The following RTN4RL2 variants were observed in gnomAD, a reference collection of about 807,000 sequenced individuals.
RTN4RL2 encodes reticulon-4 receptor-like 2.
Under a neutral mutation model 27.8 loss-of-function variants are expected in RTN4RL2, and 9 were observed. That is an observed-to-expected ratio of 0.32 (90% CI 0.20 to 0.57). The LOEUF is 0.57. Ranked by LOEUF, RTN4RL2 falls within the 20% of genes least tolerant of loss-of-function variation. RTN4RL2 has a pLI of 0.90. For missense variants in RTN4RL2, 436 were observed against 596.8 expected (o/e 0.73, Z 2.81); for synonymous variants, 285 against 297.9 (o/e 0.96, Z 0.45).
chr11:57,472,182 T>G (rs944830857), intron 2 of RTN4RL2, among the ~76,000 whole-genome samples: 1 of 150,614 alleles, frequency 6.6e-6, no homozygotes, highest in Non-Finnish European at 1.5e-5. Flanking sequence ...TTTCAGTCAT[T>G]ACAGTGGCCT....
rs1943530752 is a variant in RTN4RL2, at chr11:57,467,014, T to C, written c.32-595T>C. ...ATTAATCTCTAGACAAGGTCAAACATGCAATAGTGAAAACAGGAATGAAGA... is the reference window on the plus strand; with the variant it reads ...ATTAATCTCTAGACAAGGTCAAACACGCAATAGTGAAAACAGGAATGAAGA... On this transcript the variant is annotated intron_variant, in intron 1 of 2. Coordinates refer to ENST00000335099, the MANE Select transcript of RTN4RL2 (RefSeq NM_178570.3). The surrounding 1 kb of genome is among the most constrained non-coding windows in gnomAD (Gnocchi z 5.5). 6.6e-6 allele frequency among the ~76,000 whole-genome samples: 1 copy of C among 152,212 alleles called. No individual in the cohort carries two copies. Among genetic ancestry groups the C allele is most frequent in the African/African-American group, 2.4e-5 (1 of 41,448 alleles).
intron 2 of RTN4RL2, among the ~76,000 whole-genome samples, chr11:57,471,966 C>A (rs1943564684): frequency 6.6e-6 from 1 of 152,058 alleles, no homozygotes; most frequent in Admixed American, 6.6e-5. Context: ...TCAAGCGATT[C>A]TCCTGCCTCA....
At chr11:57,463,750 G>A (rs1943501379) in intron 1 of RTN4RL2, among the ~76,000 whole-genome samples, 1 of 152,134 alleles carries the variant, frequency 6.6e-6, no homozygotes, top group African/African-American at 2.4e-5. Context: ...TGAGAACAGG[G>A]GGTGGGGAAG....
chr11:57,474,407 A>G (rs1372160146), intron 2 of RTN4RL2, among the ~76,000 whole-genome samples: 1 of 152,136 alleles, frequency 6.6e-6, no homozygotes, highest in African/African-American at 2.4e-5. Context: ...CCCTCCCCCA[A>G]CCTGAGGCCT....
chr11:57,461,779 T>C (rs933338636), intron 1 of RTN4RL2, among the ~76,000 whole-genome samples: 4 of 150,748 alleles, frequency 2.7e-5, no homozygotes, highest in Non-Finnish European at 4.4e-5. Flanking sequence ...AGGATGGGGA[T>C]GGTGACTAGA....
chr11:57,472,885 G>T (rs577362068), intron 2 of RTN4RL2, among the ~76,000 whole-genome samples: 73 of 152,310 alleles, frequency 4.8e-4, no homozygotes, highest in African/African-American at 1.7e-3. Context: ...GAGTGCAGTT[G>T]TTCAGAGGTC....
intron 1 of RTN4RL2, among the ~76,000 whole-genome samples, chr11:57,463,465 C>A (rs933255778): frequency 6.6e-6 from 1 of 152,096 alleles, no homozygotes; most frequent in Admixed American, 6.6e-5. Flanking sequence ...CTGAGAAAGA[C>A]AATGAAGGCG....
Position 57,467,748 on chromosome 11 carries a change from C to T in RTN4RL2, c.171C>T (p.Ser57=), listed in dbSNP as rs1307806713. ...QANNFSSVPL[S]LPPSTQRLFL... is the part of the protein sequence containing the mutation. ...ACAACTTCTCCTCTGTGCCGCTGTC[C>T]CTGCCACCCAGCACTCAGCGACTCT... The change falls in exon 2 of 3, where the codon TCC becomes TCT. Residue 57 remains serine (S), a synonymous_variant. Coordinates refer to ENST00000335099, the MANE Select transcript of RTN4RL2 (RefSeq NM_178570.3). This position sits in a 1 kb window ranked among gnomAD's most constrained non-coding sequence, Gnocchi z 5.5. 6.2e-7 allele frequency: 1 copy of T among 1,613,892 alleles called. No individual in the cohort carries two copies. The highest frequency in any genetic ancestry group is 8.5e-7 in the Non-Finnish European group (1 of 1,180,002).
At chr11:57,461,693 A>G (rs1489148865) in intron 1 of RTN4RL2, among the ~76,000 whole-genome samples, 1 of 152,006 alleles carries the variant, frequency 6.6e-6, no homozygotes, top group Non-Finnish European at 1.5e-5. Flanking sequence ...GGATGGAGGT[A>G]GCGGGAAAGA....
In RTN4RL2 at chr11:57,477,054, A is replaced by G; in HGVS notation, c.*143A>G. 1.2e-6 allele frequency: 1 copy of G among 822,604 alleles called. No homozygotes were observed. Among genetic ancestry groups the G allele is most frequent in the Non-Finnish European group, 1.8e-6 (1 of 563,190 alleles). The allele number at this position is 822,604 out of a possible 1,614,324, so 51.0% of individuals were successfully genotyped here. A position where few individuals can be genotyped will look rare whatever the true frequency, so the allele number is the denominator to read the frequency against. On this transcript the variant is annotated 3_prime_UTR_variant, in exon 3 of 3. Transcript: ENST00000335099. Reference sequence around the variant, plus strand: ...CCAGCTCCTCTCCTCCCCGGGGAGCAGGCCGCCTCTCCTTGCCTGCCCCCT... The same window carrying G: ...CCAGCTCCTCTCCTCCCCGGGGAGCGGGCCGCCTCTCCTTGCCTGCCCCCT...
At chr11:57,461,303 A>C (rs1943482886) in intron 1 of RTN4RL2, among the ~76,000 whole-genome samples, 1 of 151,950 alleles carries the variant, frequency 6.6e-6, no homozygotes, top group African/African-American at 2.4e-5. Context: ...AGATGTGGGT[A>C]GGGGGCTGTC....
intron 1 of RTN4RL2, among the ~76,000 whole-genome samples, chr11:57,465,961 G>A (rs1943520407): frequency 6.7e-6 from 1 of 148,454 alleles, no homozygotes; most frequent in South Asian, 2.1e-4. Context: ...AGACCAGACT[G>A]AGCAACATAG....
At position 57,477,084 on chromosome 11, in the gene RTN4RL2, T is replaced by G; in HGVS notation, c.*173T>G. 1.7e-6 allele frequency: 1 copy of G among 590,200 alleles called. No individual in the cohort carries two copies. The allele number at this position is 590,200 out of a possible 1,614,324, so 36.6% of individuals were successfully genotyped here. A position where few individuals can be genotyped will look rare whatever the true frequency, so the allele number is the denominator to read the frequency against. ...GCCTCTCCTTGCCTGCCCCCTGGGCTGTCCTGACTTGTGGCAGCCCCAAGA... is the reference window on the plus strand; with the variant it reads ...GCCTCTCCTTGCCTGCCCCCTGGGCGGTCCTGACTTGTGGCAGCCCCAAGA... On this transcript the variant is annotated 3_prime_UTR_variant, in exon 3 of 3. Coordinates refer to ENST00000335099, the MANE Select transcript of RTN4RL2 (RefSeq NM_178570.3).
rs1029692036 is a variant in RTN4RL2, at chr11:57,476,522, C to A, written c.874C>A (p.Pro292Thr). The A allele has an allele frequency of 2.1e-6, 3 of 1,456,450 alleles. No individual in the cohort carries two copies. The highest frequency in any genetic ancestry group is 1.8e-6 in the Non-Finnish European group (2 of 1,114,030). The allele number at this position is 1,456,450 out of a possible 1,614,324, so 90.2% of individuals were successfully genotyped here. A position where few individuals can be genotyped will look rare whatever the true frequency, so the allele number is the denominator to read the frequency against. The change falls in exon 3 of 3, where the codon CCG (proline) becomes ACG (threonine). Residue 292 changes from proline to threonine, a missense_variant. This residue lies in a region of RTN4RL2 where 365 missense variants were observed against 530.5 expected (regional missense o/e 0.69). Transcript: ENST00000335099. The surrounding 1 kb of genome is among the most constrained non-coding windows in gnomAD (Gnocchi z 8.2). ...CTCCGACGTGACCTGCGCCACCCCC[C>A]CGGAGCGCCAGGGCCGAGACCTGCG... is the stretch of plus-strand genomic sequence containing the variant. ...SSSDVTCATP[P>T]ERQGRDLRAL...
At chr11:57,461,018 C>T (rs541192529) in intron 1 of RTN4RL2, 122 bp downstream of exon 1, 7 of 563,026 alleles carry the variant, frequency 1.2e-5, no homozygotes, top group Middle Eastern at 5.1e-4. Context: ...AGGGGAAAAG[C>T]TCAGCGCTGG....
At chr11:57,468,787 T>C in intron 2 of RTN4RL2, 1 of 1,488,708 alleles carries the variant, frequency 6.7e-7, no homozygotes, top group Non-Finnish European at 9.1e-7. Context: ...AAGAAAAGGG[T>C]AAATCTCTGT....
chr11:57,468,506 C>G (rs1038368248), intron 2 of RTN4RL2: 1 of 1,459,158 alleles, frequency 6.9e-7, no homozygotes, highest in African/African-American at 1.4e-5. Context: ...GTGTGTGTAT[C>G]TGTCTCTTTC....
At position 57,468,036 on chromosome 11, in the gene RTN4RL2, C is replaced by A; in HGVS notation, c.459C>A (p.Gly153=). ...GCCTGCCCGGCAACATCTTCCGAGGCCTGGTCAGCCTGCAGTACCTCTACC... is the reference window on the plus strand; with the variant it reads ...GCCTGCCCGGCAACATCTTCCGAGGACTGGTCAGCCTGCAGTACCTCTACC... ...LSSLPGNIFR[G]LVSLQYLYLQ... Residue 153 remains glycine, a synonymous_variant, in exon 2 of 3, where the codon GGC becomes GGA. Coordinates refer to ENST00000335099, the MANE Select transcript of RTN4RL2 (RefSeq NM_178570.3). 6.2e-7 allele frequency: 1 copy of A among 1,600,084 alleles called. No homozygotes were observed. The highest frequency in any genetic ancestry group is 1.7e-4 in the Middle Eastern group (1 of 6,056).
chr11:57,466,234 T>G (rs928729553), intron 1 of RTN4RL2, among the ~76,000 whole-genome samples: 3 of 152,022 alleles, frequency 2.0e-5, no homozygotes, highest in African/African-American at 7.3e-5. Flanking sequence ...CTCGATCTCC[T>G]GACCTCGTGA....
Sources: allele counts gnomAD v4.1 joint callset (sites outside exome capture counted in the v4.1 genomes callset), GRCh38; gene constraint gnomAD v4.1.1; regional missense constraint gnomAD v4.1.1; non-coding constraint Gnocchi (gnomAD v3.1); transcripts MANE v1.5; gene names NCBI Gene and HGNC (gene_info 2026-07-23, HGNC 2026-07-21).